CECR2: variants seen among roughly 807,000 people sequenced by gnomAD.
CECR2 encodes the protein CECR2 histone acetyl-lysine reader.
CECR2 carries 30 observed loss-of-function variants against 154.5 expected under a neutral mutation model. The ratio of observed to expected loss-of-function variants is 0.19; its 90% CI spans 0.15 to 0.26. CECR2 has a LOEUF of 0.26. CECR2 is among the 10% of genes least tolerant of loss of function. CECR2 has a pLI of 1.00. For synonymous variants in CECR2, 725 were observed against 683.7 expected (o/e 1.06, Z -0.94); for missense variants, 1,743 against 1,829.3 (o/e 0.95, Z 0.86).
At chr22:17,383,126 G>A (rs1023031562) in intron 1 of CECR2, among the ~76,000 whole-genome samples, 1 of 152,146 alleles carries the variant, frequency 6.6e-6, no homozygotes, top group African/African-American at 2.4e-5. Context: ...CTCAGAGGCT[G>A]AGGCAGGAGA....
At chr22:17,497,122 C>T (rs561703921) in intron 2 of CECR2, among the ~76,000 whole-genome samples, 8 of 152,084 alleles carry the variant, frequency 5.3e-5, no homozygotes, top group Non-Finnish European at 8.8e-5. Flanking sequence ...AGGGAGACCC[C>T]TGTCTCTACA....
chr22:17,486,816 G>A (rs2055429404), intron 2 of CECR2, among the ~76,000 whole-genome samples: 1 of 152,190 alleles, frequency 6.6e-6, no homozygotes, highest in Non-Finnish European at 1.5e-5. Flanking sequence ...AAGACAGAAG[G>A]TATGAATAAG....
chr22:17,437,815 T>C (rs945926126), intron 1 of CECR2, among the ~76,000 whole-genome samples: 3 of 152,208 alleles, frequency 2.0e-5, no homozygotes, highest in Admixed American at 1.3e-4. Flanking sequence ...TTTTCCATAG[T>C]GTCTACAAAG....
chr22:17,532,581 G>A (rs1171627078), intron 9 of CECR2, among the ~76,000 whole-genome samples: 5 of 149,602 alleles, frequency 3.3e-5, no homozygotes, highest in Non-Finnish European at 5.9e-5. Context: ...TGTCTACAAC[G>A]AAAAATACAT....
chr22:17,476,044 C>T (rs537444417), intron 1 of CECR2, among the ~76,000 whole-genome samples: 34 of 151,344 alleles, frequency 2.2e-4, no homozygotes, highest in Non-Finnish European at 4.4e-4. Flanking sequence ...TATTCAGGAT[C>T]GCCTGTCAAT....
rs184433277 is a variant in CECR2, at chr22:17,361,401, G to A, written c.-364+1378G>A. Among the ~76,000 whole-genome samples, 92 of 150,088 alleles carry A rather than the reference G, an allele frequency of 6.1e-4. 1 individual carries two copies. The highest frequency in any genetic ancestry group is 4.2e-3 in the Admixed American group (63 of 15,044). ...CTCAGGAGGCTGAGGCAGGAGAACTGTTTGAACCCTGGAGGCGGACGTTGC... is the reference window on the plus strand; with the variant it reads ...CTCAGGAGGCTGAGGCAGGAGAACTATTTGAACCCTGGAGGCGGACGTTGC... On this transcript the variant is annotated intron_variant, in intron 1 of 18. Transcript: ENST00000400585.
chr22:17,477,951 G>T (rs533923436), intron 2 of CECR2, among the ~76,000 whole-genome samples: 15 of 152,132 alleles, frequency 9.9e-5, no homozygotes, highest in Non-Finnish European at 2.2e-4. Context: ...TTTTAGTGTA[G>T]AATTTCTTCT....
At chr22:17,382,088 C>T (rs557673323) in intron 1 of CECR2, among the ~76,000 whole-genome samples, 3 of 151,606 alleles carry the variant, frequency 2.0e-5, no homozygotes, top group South Asian at 2.1e-4. Flanking sequence ...GACGAGGTTT[C>T]GCCGTGTTAG....
intron 13 of CECR2, 155 bp downstream of exon 13, chr22:17,539,274 A>G (rs1468544954): frequency 1.3e-5 from 10 of 765,064 alleles, no homozygotes; most frequent in Non-Finnish European, 1.8e-5. Context: ...CCACTTATAC[A>G]GTGTCTGCCA....
intron 6 of CECR2, among the ~76,000 whole-genome samples, chr22:17,504,518 G>A (rs1251561973): frequency 2.0e-5 from 3 of 151,816 alleles, no homozygotes; most frequent in African/African-American, 7.3e-5. Flanking sequence ...CTCACTGCAA[G>A]CTCCGCCTCC....
chr22:17,503,255 CT>C (rs2055772601), intron 6 of CECR2, 124 bp downstream of exon 6: 2 of 774,668 alleles, frequency 2.6e-6, no homozygotes, highest in Non-Finnish European at 4.2e-6. Flanking sequence ...TACCTACCCC[CT>C]GTACTCTTCT....
At position 17,557,144 on chromosome 22, in the gene CECR2, TC is replaced by T. The variant is rs371490246; in HGVS notation, c.*4305del. On this transcript the variant is annotated 3_prime_UTR_variant, in exon 19 of 19. Transcript: ENST00000262608. The stretch of plus-strand genomic sequence containing the variant: ...TTACTGCATCCCGTTTTTTTTCTTT[TC>T]TTTTTTTTTTTTTTTTTTTTGAGAC... 1 of 119,580 alleles carries T rather than the reference TC, an allele frequency of 8.4e-6. No homozygotes were observed. The highest frequency in any genetic ancestry group is 2.4e-4 in the East Asian group (1 of 4,170). The allele number at this position is 119,580 out of a possible 1,614,324, so 7.4% of individuals were successfully genotyped here. A position where few individuals can be genotyped will look rare whatever the true frequency, so the allele number is the denominator to read the frequency against.
chr22:17,538,792 G>A lies in CECR2; in HGVS notation c.1368+61G>A. On this transcript the variant is annotated intron_variant, in intron 12 of 18. Coordinates refer to ENST00000262608, the MANE Select transcript of CECR2 (RefSeq NM_001290047.2). ...GTGTATATCTTTCTTGGGTTTTGTT[G>A]TTTGTTTGTTGTTAAATATATATAT... 3 of 1,447,640 alleles carry A rather than the reference G, an allele frequency of 2.1e-6. No individual in the cohort carries two copies. The South Asian group carries it at 3.7e-5, about 18-fold the overall frequency. 89.7% of individuals were successfully genotyped at this position (1,447,640 alleles called of 1,614,324 possible).
intron 1 of CECR2, among the ~76,000 whole-genome samples, chr22:17,385,571 G>C (rs2063248408): frequency 6.6e-6 from 1 of 152,134 alleles, no homozygotes; most frequent in African/African-American, 2.4e-5. Context: ...AACATTTACA[G>C]TTGTAATATC....
intron 1 of CECR2, among the ~76,000 whole-genome samples, chr22:17,423,380 G>A (rs761883473): frequency 1.4e-4 from 22 of 151,938 alleles, no homozygotes; most frequent in Non-Finnish European, 2.8e-4. Context: ...GGTGGCACAC[G>A]CCTATAGTCC....
chr22:17,378,198 T>C (rs1375820931), intron 1 of CECR2, among the ~76,000 whole-genome samples: 3 of 151,334 alleles, frequency 2.0e-5, no homozygotes, highest in Non-Finnish European at 4.4e-5. Flanking sequence ...TTAGCCAGGA[T>C]GGTCTGGATC....
rs575277767 is a variant in CECR2, at chr22:17,407,258, G to GAGA, written c.126+37350_126+37352dup. On this transcript the variant is annotated intron_variant, in intron 1 of 18. Coordinates refer to ENST00000262608, the MANE Select transcript of CECR2 (RefSeq NM_001290047.2). ...CAGTATAAGCTTGCATCATCCTAGT[G>GAGA]AGATATAGAGCAAGGCTGGTGAATG... Among the ~76,000 whole-genome samples the GAGA allele has an allele frequency of 2.7e-3, 407 of 152,308 alleles. 4 individuals are homozygous for GAGA. The highest frequency in any genetic ancestry group is 9.3e-3 in the African/African-American group (387 of 41,578).
In CECR2 at chr22:17,524,270, A is replaced by G; in HGVS notation, c.1107A>G (p.Glu369=). Residue 369 remains glutamate (E), a splice_region_variant and synonymous_variant, in exon 9 of 19, where the codon GAA becomes GAG. Coordinates refer to ENST00000262608, the MANE Select transcript of CECR2 (RefSeq NM_001290047.2). ...RELEEKVKAV[E]DRAKRRKLRE... ...TGGAGGAGAAGGTCAAGGCAGTGGAAGGTATGTGCAGTGTCCGCGTGGTCT... is the reference window on the plus strand; with the variant it reads ...TGGAGGAGAAGGTCAAGGCAGTGGAGGGTATGTGCAGTGTCCGCGTGGTCT... The G allele has an allele frequency of 6.2e-7, 1 of 1,607,228 alleles. No homozygotes were observed. The highest frequency in any genetic ancestry group is 8.5e-7 in the Non-Finnish European group (1 of 1,177,388).
At chr22:17,421,919 C>T (rs1469675067) in intron 1 of CECR2, among the ~76,000 whole-genome samples, 32 of 149,824 alleles carry the variant, frequency 2.1e-4, no homozygotes, top group African/African-American at 7.6e-4. Flanking sequence ...CACATCTCCT[C>T]AATTGTTGTT....
Sources: gnomAD v4.1 joint callset for allele counts (sites outside exome capture counted in the v4.1 genomes callset) on GRCh38, gnomAD v4.1.1 for gene constraint, MANE v1.5 for transcripts, NCBI Gene and HGNC (gene_info 2026-07-23, HGNC 2026-07-21) for gene names.